Variants in COL6A5 observed in about 807,000 individuals in gnomAD.
COL6A5 encodes collagen alpha-5(VI) chain.
Under a neutral mutation model 65.6 loss-of-function variants are expected in COL6A5, and 48 were observed. That is an observed-to-expected ratio of 0.73 (90% CI 0.58 to 0.93). The LOEUF (loss-of-function observed/expected upper bound fraction) is 0.93. Among genes scored for constraint, COL6A5 ranks in the 40% least tolerant of loss-of-function variants. The pLI, the probability that COL6A5 is intolerant of heterozygous loss-of-function variation, is 0.00. For missense variants in COL6A5, 914 were observed against 928.3 expected (o/e 0.98, Z 0.20); for synonymous variants, 291 against 322.8 (o/e 0.90, Z 1.05).
intron 2 of COL6A5, 88 bp from the exon 3 acceptor site, chr3:130,376,149 C>A: frequency 2.2e-6 from 3 of 1,339,926 alleles, no homozygotes; most frequent in South Asian, 1.8e-5. Flanking sequence ...ACACTTAACA[C>A]CAGCACATAG....
chr3:130,470,660 C>T (rs141997110), intron 6 of COL6A5, among the ~76,000 whole-genome samples: 2 of 152,000 alleles, frequency 1.3e-5, no homozygotes, highest in East Asian at 3.9e-4. Flanking sequence ...TGTGATAGAG[C>T]ATTGGAATTA....
chr3:130,371,296 C>CTT (rs991000941), intron 1 of COL6A5, among the ~76,000 whole-genome samples: 12 of 145,444 alleles, frequency 8.3e-5, no homozygotes, highest in Middle Eastern at 7.1e-3. Flanking sequence ...GATGCCTTTT[C>CTT]TTTTTTTTTT....
chr3:130,401,905 AGGTGGGAC>A, intron 12 of COL6A5, 51 bp downstream of exon 12: 1 of 1,334,108 alleles, frequency 7.5e-7, no homozygotes, highest in Non-Finnish European at 1.1e-6. Context: ...GATTTGGTAC[AGGTGGGAC>A]TGAGACTGAG....
In COL6A5 at chr3:130,415,388, G is replaced by A. The variant is rs150049165; in HGVS notation, c.4762-257G>A. Among the ~76,000 whole-genome samples, 690 of 152,038 alleles carry A rather than the reference G, an allele frequency of 4.5e-3. 5 individuals are homozygous for A. Among genetic ancestry groups the A allele is most frequent in the African/African-American group, 0.016 (643 of 41,470 alleles). The stretch of plus-strand genomic sequence containing the variant: ...CCTTTGCTTATAGGTTTCATTTCCC[G>A]CTTTGGCCTATTTTTATTTCCTCTG... On this transcript the variant is annotated intron_variant and NMD_transcript_variant, in intron 22 of 41. Transcript: ENST00000312481.
intron 8 of COL6A5, 67 bp from the exon 9 acceptor site, chr3:130,397,516 T>C: frequency 7.7e-7 from 1 of 1,292,818 alleles, no homozygotes; most frequent in Non-Finnish European, 1.1e-6. Flanking sequence ...TGCTCCTTTT[T>C]TCTGCCGTCT....
At chr3:130,451,237 C>T (rs1263847144) in intron 4 of COL6A5, among the ~76,000 whole-genome samples, 1 of 151,946 alleles carries the variant, frequency 6.6e-6, no homozygotes, top group Non-Finnish European at 1.5e-5. Context: ...TTTGTTTTGG[C>T]GTAATAAGTG....
upstream of COL6A5, among the ~76,000 whole-genome samples, chr3:130,427,245 A>C (rs1937623670): frequency 6.6e-6 from 1 of 152,198 alleles, no homozygotes. Context: ...AAGTAGAAAA[A>C]CAATGATTTA....
At position 130,413,654 on chromosome 3, in the gene COL6A5, G is replaced by A. The variant is rs1381819171; in HGVS notation, c.4698+74G>A. The A allele has an allele frequency of 3.7e-5, 54 of 1,448,076 alleles. 2 individuals are homozygous for A. Among genetic ancestry groups the A allele is most frequent in the East Asian group, 7.4e-5 (3 of 40,474 alleles). 89.7% of individuals were successfully genotyped at this position (1,448,076 alleles called of 1,614,324 possible). ...GTTTCTCCCATGTAGGTGGTGCTGG[G>A]AATCATATCAATGAGCATTTTACAA... On this transcript the variant is annotated intron_variant and NMD_transcript_variant, in intron 21 of 41. Coordinates refer to the COL6A5 transcript ENST00000312481.
intron 4 of COL6A5, among the ~76,000 whole-genome samples, chr3:130,380,332 A>C (rs530288049): frequency 6.6e-6 from 1 of 152,282 alleles, no homozygotes; most frequent in East Asian, 1.9e-4. Context: ...ATGGCTTGAC[A>C]TACAGAAGAA....
intron 7 of COL6A5, among the ~76,000 whole-genome samples, chr3:130,393,179 C>T (rs1234760716): frequency 6.6e-6 from 1 of 151,782 alleles, no homozygotes; most frequent in East Asian, 1.9e-4. Flanking sequence ...GCCCACCTCG[C>T]CAACCTCATT....
At chr3:130,484,292 A>G (rs971050780) in exon 8 of COL6A5, 9 of 523,374 alleles carry the variant, frequency 1.7e-5, no homozygotes, top group Non-Finnish European at 2.7e-5. Context: ...TCTCCTGAGA[A>G]CTGGGGAAAC....
Position 130,405,324 on chromosome 3 carries a change from G to A in COL6A5, c.4282-264G>A, listed in dbSNP as rs77435549. Among the ~76,000 whole-genome samples, 1,453 of 152,284 alleles carry A rather than the reference G, an allele frequency of 9.5e-3. 19 individuals are homozygous for A. Among genetic ancestry groups the A allele is most frequent in the African/African-American group, 0.033 (1,382 of 41,552 alleles). ...CCACTGTGCTGTTTGATCAGGTAGT[G>A]AAGTGGCTGAGCTCTTCTTGCACCT... is the stretch of plus-strand genomic sequence containing the variant. On this transcript the variant is annotated intron_variant and NMD_transcript_variant, in intron 13 of 41. Coordinates refer to the COL6A5 transcript ENST00000312481.
intron 13 of COL6A5, among the ~76,000 whole-genome samples, chr3:130,404,653 A>G (rs541166533): frequency 2.0e-5 from 3 of 152,324 alleles, no homozygotes; most frequent in African/African-American, 7.2e-5. Context: ...CCACTGGCAG[A>G]AAGTCCAGGC....
At chr3:130,429,437 C>T (rs1937701606), upstream of COL6A5, 8 of 657,666 alleles carry the variant, frequency 1.2e-5, no homozygotes, top group Non-Finnish European at 2.0e-5. Context: ...ACCTTGGCTT[C>T]CTGTCACTTA....
At chr3:130,383,977 T>G (rs1292872883) in intron 4 of COL6A5, among the ~76,000 whole-genome samples, 1 of 152,010 alleles carries the variant, frequency 6.6e-6, no homozygotes, top group Non-Finnish European at 1.5e-5. Context: ...GCCATGCTCA[T>G]GAACAAATGA....
intron 1 of COL6A5, among the ~76,000 whole-genome samples, chr3:130,351,702 G>A (rs1168306261): frequency 6.6e-6 from 1 of 152,246 alleles, no homozygotes; most frequent in African/African-American, 2.4e-5. Flanking sequence ...CTTTTACACT[G>A]TTGGTCAGAG....
At chr3:130,387,052 G>A (rs1936215953) in intron 5 of COL6A5, among the ~76,000 whole-genome samples, 1 of 152,056 alleles carries the variant, frequency 6.6e-6, no homozygotes, top group Admixed American at 6.6e-5. Flanking sequence ...CTAGTAGAGA[G>A]GCTGTTCCAT....
chr3:130,367,315 C>A (rs1293159241), intron 1 of COL6A5, among the ~76,000 whole-genome samples: 1 of 152,224 alleles, frequency 6.6e-6, no homozygotes, highest in Non-Finnish European at 1.5e-5. Context: ...CAGTTGTAGA[C>A]ACCTCTCTAC....
chr3:130,461,064 A>G (rs1194972486), intron 5 of COL6A5, among the ~76,000 whole-genome samples: 2 of 152,062 alleles, frequency 1.3e-5, no homozygotes, highest in African/African-American at 4.8e-5. Context: ...ATTCTTTCAT[A>G]TAACAAATAT....
Sources: allele counts gnomAD v4.1 joint callset (sites outside exome capture counted in the v4.1 genomes callset), GRCh38; gene constraint gnomAD v4.1.1; transcripts MANE v1.5; gene names NCBI Gene and HGNC (gene_info 2026-07-23, HGNC 2026-07-21).